L3MBTL4: variants seen among roughly 807,000 people sequenced by gnomAD.
L3MBTL4 encodes lethal(3)malignant brain tumor-like protein 4.
Under a neutral mutation model 84.5 loss-of-function variants are expected in L3MBTL4, and 70 were observed. The observed-to-expected ratio is 0.83, with a 90% CI of 0.68 to 1.01. L3MBTL4 has a LOEUF of 1.01. Among genes scored for constraint, L3MBTL4 ranks in the 50% least tolerant of loss-of-function variants. The probability of loss-of-function intolerance (pLI) is 0.00; values close to 1 mark genes in which losing one functional copy is unlikely to be tolerated. For synonymous variants in L3MBTL4, 274 were observed against 259.8 expected (o/e 1.05, Z -0.52); for missense variants, 715 against 754.8 (o/e 0.95, Z 0.62).
intron 1 of L3MBTL4, among the ~76,000 whole-genome samples, chr18:6,407,944 CCT>C (rs1490119240): frequency 6.6e-6 from 1 of 152,080 alleles, no homozygotes; most frequent in Non-Finnish European, 1.5e-5. Context: ...CTTGGAGCCT[CCT>C]TAGAGGAGCA....
At chr18:6,373,898 T>C (rs1039606231) in intron 1 of L3MBTL4, among the ~76,000 whole-genome samples, 2 of 152,210 alleles carry the variant, frequency 1.3e-5, no homozygotes, top group African/African-American at 4.8e-5. Context: ...TTGTTTTGTT[T>C]CCTAAGATAC....
chr18:6,014,729 G>C (rs925182710), intron 16 of L3MBTL4, among the ~76,000 whole-genome samples: 1 of 152,054 alleles, frequency 6.6e-6, no homozygotes. Context: ...GAGGACAAAG[G>C]GTTTTGTTAA....
At chr18:6,201,308 G>A (rs536963025) in intron 12 of L3MBTL4, among the ~76,000 whole-genome samples, 192 of 152,306 alleles carry the variant, frequency 1.3e-3, no homozygotes, top group African/African-American at 3.9e-3. Flanking sequence ...CGGATTAAGA[G>A]GTGGGTTTGG....
intron 4 of L3MBTL4, among the ~76,000 whole-genome samples, chr18:6,294,621 C>T (rs931895770): frequency 7.2e-5 from 11 of 152,196 alleles, no homozygotes; most frequent in Non-Finnish European, 1.2e-4. Flanking sequence ...GCCCTCCCTA[C>T]GTAAGTGCAC....
chr18:6,199,123 A>C (rs1462415420), intron 12 of L3MBTL4, among the ~76,000 whole-genome samples: 1 of 152,220 alleles, frequency 6.6e-6, no homozygotes, highest in Non-Finnish European at 1.5e-5. Flanking sequence ...CTAAAGAGAC[A>C]AGTTGACAGA....
At chr18:5,974,509 C>T (rs765328472) in intron 16 of L3MBTL4, among the ~76,000 whole-genome samples, 2 of 152,116 alleles carry the variant, frequency 1.3e-5, no homozygotes, top group East Asian at 1.9e-4. Flanking sequence ...AAAGTCAGAA[C>T]GCCACAGCCA....
At chr18:6,076,660 A>G (rs2057864401) in intron 16 of L3MBTL4, among the ~76,000 whole-genome samples, 1 of 132,490 alleles carries the variant, frequency 7.5e-6, no homozygotes, top group Non-Finnish European at 1.6e-5. Context: ...CAAATATAAT[A>G]TGATTCTGCA....
chr18:6,150,933 A>G (rs1017599581), intron 13 of L3MBTL4, among the ~76,000 whole-genome samples: 1 of 152,188 alleles, frequency 6.6e-6, no homozygotes, highest in Non-Finnish European at 1.5e-5. Context: ...TAACTTTCCA[A>G]TGCCTTAGTG....
At chr18:6,066,311 T>C (rs960615503) in intron 16 of L3MBTL4, among the ~76,000 whole-genome samples, 2 of 152,154 alleles carry the variant, frequency 1.3e-5, no homozygotes. Context: ...CATGTGCTGA[T>C]GAATAGAATG....
At chr18:6,304,393 CG>C (rs1156434064) in intron 3 of L3MBTL4, among the ~76,000 whole-genome samples, 5 of 152,206 alleles carry the variant, frequency 3.3e-5, no homozygotes, top group Non-Finnish European at 7.3e-5. Context: ...TGGATATCTT[CG>C]TGCAATTAAC....
At chr18:6,006,109 T>C (rs927607987) in intron 16 of L3MBTL4, among the ~76,000 whole-genome samples, 1 of 152,012 alleles carries the variant, frequency 6.6e-6, no homozygotes, top group Non-Finnish European at 1.5e-5. Context: ...CCTTCAAATA[T>C]ACAGGTTACG....
chr18:5,965,191 C>T (rs1449233044), intron 17 of L3MBTL4, among the ~76,000 whole-genome samples: 2 of 152,154 alleles, frequency 1.3e-5, no homozygotes, highest in Non-Finnish European at 2.9e-5. Context: ...GACTTCAAAG[C>T]CTACCTACAC....
chr18:6,074,744 T>G (rs565216812), intron 16 of L3MBTL4, among the ~76,000 whole-genome samples: 1 of 152,286 alleles, frequency 6.6e-6, no homozygotes, highest in Admixed American at 6.5e-5. Context: ...TCTTTCTTGA[T>G]CTGGGTGCTG....
In L3MBTL4 at chr18:6,010,072, G is replaced by A. The variant is rs545121185; in HGVS notation, c.1445-40510C>T. 7.0e-4 allele frequency among the ~76,000 whole-genome samples: 106 copies of A among 151,706 alleles called. 1 individual carries two copies. Among genetic ancestry groups the A allele is most frequent in the African/African-American group, 2.4e-3 (99 of 41,372 alleles). On this transcript the variant is annotated intron_variant, in intron 16 of 18. Transcript: ENST00000317931. ...GATGTTTCCCTTCTGTATCCTTGTC[G>A]TGTTTTCCATGATGCTTTTAAATTC...
Position 6,243,571 on chromosome 18 carries a change from A to G in L3MBTL4, c.325-142T>C, listed in dbSNP as rs767127741. 210 of 588,896 alleles carry G rather than the reference A, an allele frequency of 3.6e-4. 1 individual carries two copies. Among genetic ancestry groups the G allele is most frequent in the Non-Finnish European group, 5.6e-5 (21 of 372,396 alleles). 36.5% of individuals were successfully genotyped at this position (588,896 alleles called of 1,614,324 possible). ...TCTATCCAAATGTTTCCATTAAAGAAGAAATTTATGGATGACCTCTGATTA... is the reference window on the plus strand; with the variant it reads ...TCTATCCAAATGTTTCCATTAAAGAGGAAATTTATGGATGACCTCTGATTA... On this transcript the variant is annotated intron_variant, in intron 6 of 18. Coordinates refer to ENST00000317931, the MANE Select transcript of L3MBTL4 (RefSeq NM_001330559.2).
At chr18:6,074,396 A>G (rs557357644) in intron 16 of L3MBTL4, among the ~76,000 whole-genome samples, 1 of 152,310 alleles carries the variant, frequency 6.6e-6, no homozygotes, top group East Asian at 1.9e-4. Context: ...ACTGGGTGAC[A>G]AGCAGGCTAC....
chr18:5,988,357 G>C (rs1044934637), intron 16 of L3MBTL4, among the ~76,000 whole-genome samples: 1 of 152,130 alleles, frequency 6.6e-6, no homozygotes, highest in Non-Finnish European at 1.5e-5. Flanking sequence ...ACAATTCTAC[G>C]ATTGTTGGAG....
chr18:6,048,353 T>C (rs1312384380), intron 16 of L3MBTL4, among the ~76,000 whole-genome samples: 1 of 152,188 alleles, frequency 6.6e-6, no homozygotes, highest in East Asian at 1.9e-4. Context: ...AAACTACCAA[T>C]GTTATTTTTC....
At chr18:6,117,368 C>T (rs1197342459) in intron 14 of L3MBTL4, among the ~76,000 whole-genome samples, 4 of 152,110 alleles carry the variant, frequency 2.6e-5, no homozygotes, top group Admixed American at 1.3e-4. Flanking sequence ...GGAAATAACC[C>T]AGAAATTCTA....
Sources: gnomAD v4.1 joint callset for allele counts (sites outside exome capture counted in the v4.1 genomes callset) on GRCh38, gnomAD v4.1.1 for gene constraint, MANE v1.5 for transcripts, NCBI Gene and HGNC (gene_info 2026-07-23, HGNC 2026-07-21) for gene names.